The following ELAPOR2 variants were observed in gnomAD, a reference collection of about 807,000 sequenced individuals.
ELAPOR2 encodes endosome/lysosome-associated apoptosis and autophagy regulator family member 2.
Under a neutral mutation model 120.7 loss-of-function variants are expected in ELAPOR2, and 89 were observed. That is an observed-to-expected ratio of 0.74 (90% CI 0.62 to 0.88). The LOEUF (loss-of-function observed/expected upper bound fraction) is 0.88. Ranked by LOEUF, ELAPOR2 falls within the 40% of genes least tolerant of loss-of-function variation. ELAPOR2 has a pLI of 0.00. For synonymous variants in ELAPOR2, 444 were observed against 444.9 expected, an observed-to-expected ratio of 1.00 and a Z score of 0.03; for missense variants, 1,134 against 1,251.6, an observed-to-expected ratio of 0.91 and a Z score of 1.42.
chr7:86,970,263 TC>T (rs1366199811), intron 1 of ELAPOR2, among the ~76,000 whole-genome samples: 1 of 152,122 alleles, frequency 6.6e-6, no homozygotes, highest in African/African-American at 2.4e-5. Flanking sequence ...GTAGAAAGCC[TC>T]TATCTTCAAA....
At chr7:86,925,198 C>T (rs1790011959) in intron 10 of ELAPOR2, among the ~76,000 whole-genome samples, 1 of 151,958 alleles carries the variant, frequency 6.6e-6, no homozygotes, top group African/African-American at 2.4e-5. Flanking sequence ...TCCCATCATG[C>T]TACTCTTTAA....
At chr7:86,953,558 G>A (rs1791353512) in intron 2 of ELAPOR2, among the ~76,000 whole-genome samples, 2 of 152,084 alleles carry the variant, frequency 1.3e-5, no homozygotes, top group African/African-American at 4.8e-5. Flanking sequence ...CTTAAAGACT[G>A]TACTATTTTC....
Position 86,986,685 on chromosome 7 carries a change from C to G in ELAPOR2, c.190-21661G>C, listed in dbSNP as rs1323206727. ...AGGAGAACTACAAACCACTGCTCAA[C>G]GAAATAAAAGAGGACACAAACAAAT... On this transcript the variant is annotated intron_variant, in intron 1 of 21. Coordinates refer to ENST00000450689, the MANE Select transcript of ELAPOR2 (RefSeq NM_001142749.3). Among the ~76,000 whole-genome samples the G allele has an allele frequency of 9.8e-3, 1,479 of 150,672 alleles. 27 individuals are homozygous for G. Among genetic ancestry groups the G allele is most frequent in the African/African-American group, 0.034 (1,396 of 40,634 alleles).
intron 20 of ELAPOR2, among the ~76,000 whole-genome samples, chr7:86,892,593 T>TA (rs1788217626): frequency 6.6e-6 from 1 of 152,090 alleles, no homozygotes; most frequent in Admixed American, 6.6e-5. Flanking sequence ...ATATCATTTT[T>TA]AAAAAAGGCA....
intron 8 of ELAPOR2, among the ~76,000 whole-genome samples, chr7:86,933,846 C>T (rs761140427): frequency 2.6e-5 from 4 of 151,972 alleles, no homozygotes; most frequent in Non-Finnish European, 4.4e-5. Context: ...TTTCATGACA[C>T]TCAACAGGGA....
In ELAPOR2 at chr7:86,938,268, G is replaced by A; in HGVS notation, c.1001-54C>T. 6.5e-6 allele frequency: 9 copies of A among 1,392,216 alleles called. No homozygotes were observed. The Admixed American group carries it at 1.7e-4, about 27-fold the overall frequency. The allele number at this position is 1,392,216 out of a possible 1,614,324, so 86.2% of individuals were successfully genotyped here. On this transcript the variant is annotated intron_variant, in intron 7 of 21. Transcript: ENST00000450689. ...TGGGTCAATTATTTTGCAACTCTAA[G>A]AAAAGGCAAAAAAGCAAAACAGAAA...
At chr7:87,057,800 A>G (rs1795309967) in intron 1 of ELAPOR2, among the ~76,000 whole-genome samples, 2 of 152,226 alleles carry the variant, frequency 1.3e-5, no homozygotes, top group Admixed American at 1.3e-4. Context: ...CGCCTACTTC[A>G]AGCAGATTTT....
intron 1 of ELAPOR2, among the ~76,000 whole-genome samples, chr7:87,020,314 A>G (rs896442336): frequency 6.6e-5 from 10 of 152,170 alleles, no homozygotes; most frequent in African/African-American, 2.4e-4. Flanking sequence ...TATTATTAAT[A>G]AAAGCAAACA....
In ELAPOR2 at chr7:86,972,658, C is replaced by A. The variant is rs1419620742; in HGVS notation, c.190-7634G>T. Among the ~76,000 whole-genome samples the A allele has an allele frequency of 4.7e-5, 7 of 150,098 alleles. No homozygotes were observed. In the East Asian group the frequency reaches 1.4e-3, roughly 30 times the overall value. ...ACAGCTAAGTAATGAAAGATGAGAT[C>A]CACCTCGGGCACACATCCCCAACAC... On this transcript the variant is annotated intron_variant, in intron 1 of 21. Transcript: ENST00000450689.
intron 1 of ELAPOR2, among the ~76,000 whole-genome samples, chr7:86,999,954 A>C (rs1247352238): frequency 2.0e-5 from 3 of 152,156 alleles, no homozygotes; most frequent in Non-Finnish European, 2.9e-5. Flanking sequence ...AGATGATGCA[A>C]GAATAAAAAC....
intron 1 of ELAPOR2, among the ~76,000 whole-genome samples, chr7:86,991,029 T>G (rs552335265): frequency 2.6e-5 from 4 of 152,324 alleles, no homozygotes; most frequent in African/African-American, 9.6e-5. Flanking sequence ...GAGCTGTAAA[T>G]GAACACACCA....
intron 1 of ELAPOR2, among the ~76,000 whole-genome samples, chr7:87,052,169 C>T (rs1271120956): frequency 6.6e-6 from 1 of 152,176 alleles, no homozygotes; most frequent in Admixed American, 6.5e-5. Context: ...TCCATTTTCA[C>T]ACTGCTGATA....
intron 18 of ELAPOR2, among the ~76,000 whole-genome samples, chr7:86,905,181 A>AG (rs1788943896): frequency 1.3e-5 from 2 of 148,228 alleles, no homozygotes; most frequent in Non-Finnish European, 3.0e-5. Context: ...AGAAAGAGAG[A>AG]AAGAGAGAGA....
chr7:86,904,406 G>A (rs1040150578), intron 18 of ELAPOR2, among the ~76,000 whole-genome samples: 7 of 152,050 alleles, frequency 4.6e-5, no homozygotes, highest in African/African-American at 1.7e-4. Flanking sequence ...TCTATTTAGG[G>A]GCATCTATTA....
chr7:87,045,445 C>T (rs1401056694), intron 1 of ELAPOR2, among the ~76,000 whole-genome samples: 11 of 151,034 alleles, frequency 7.3e-5, no homozygotes, highest in Non-Finnish European at 1.3e-4. Context: ...ATGATGAGTT[C>T]GTGTCCTTTG....
chr7:86,961,612 G>C (rs1451038223), intron 2 of ELAPOR2, among the ~76,000 whole-genome samples: 2 of 152,194 alleles, frequency 1.3e-5, no homozygotes, highest in African/African-American at 4.8e-5. Flanking sequence ...GATGATCTAA[G>C]AACATCCAGT....
chr7:86,919,220 T>A lies in ELAPOR2; in HGVS notation c.1490A>T (p.Lys497Ile). The A allele has an allele frequency of 6.2e-7, 1 of 1,606,116 alleles. No homozygotes were observed. ...AAAGAATTAGAATTGTTTTCCTTACTTAAATCCTGGGATATGCAAGTTTAA... is the reference window on the plus strand; with the variant it reads ...AAAGAATTAGAATTGTTTTCCTTACATAAATCCTGGGATATGCAAGTTTAA... ...LILNLHIPGF[K>I]PPTSMTGATG... Residue 497 changes from lysine (K) to isoleucine (I), a missense_variant and splice_region_variant, in exon 11 of 22, where the codon AAA (lysine) becomes ATA (isoleucine). Lys to Ile is a moderately radical substitution (Grantham distance 102). Around this residue, in one of 3 missense-constraint regions of ELAPOR2, gnomAD observed 831 missense variants for 867.6 expected, o/e 0.96. Coordinates refer to ENST00000450689, the MANE Select transcript of ELAPOR2 (RefSeq NM_001142749.3).
At chr7:86,893,126 T>C (rs759970867) in intron 19 of ELAPOR2, 26 bp from the exon 20 acceptor site, 21 of 1,483,106 alleles carry the variant, frequency 1.4e-5, no homozygotes, top group South Asian at 9.5e-5. Context: ...CATAAAACCA[T>C]AGAAGACATG....
chr7:86,959,996 T>G (rs1232133686), intron 2 of ELAPOR2, among the ~76,000 whole-genome samples: 6 of 152,224 alleles, frequency 3.9e-5, no homozygotes, highest in African/African-American at 1.2e-4. Flanking sequence ...TTAATTTCCA[T>G]GTATTTATCA....
Sources: allele counts gnomAD v4.1 joint callset (sites outside exome capture counted in the v4.1 genomes callset), GRCh38; gene constraint gnomAD v4.1.1; regional missense constraint gnomAD v4.1.1; transcripts MANE v1.5; gene names NCBI Gene and HGNC (gene_info 2026-07-23, HGNC 2026-07-21).